The following DAB1 variants were observed in gnomAD, a reference collection of about 807,000 sequenced individuals.
DAB1 encodes disabled homolog 1.
DAB1 carries 15 observed loss-of-function variants against 64.6 expected under a neutral mutation model. The observed-to-expected ratio is 0.23, with a 90% CI of 0.16 to 0.36. The LOEUF (loss-of-function observed/expected upper bound fraction) is 0.36. Ranked by LOEUF, DAB1 falls within the 10% of genes least tolerant of loss-of-function variation. The pLI is 1.00. For missense variants in DAB1, 596 were observed against 706.7 expected, an observed-to-expected ratio of 0.84 and a Z score of 1.78; for synonymous variants, 235 against 251.9, an observed-to-expected ratio of 0.93 and a Z score of 0.64.
intron 1 of DAB1, among the ~76,000 whole-genome samples, chr1:57,364,843 ATATATATATATG>A (rs1679839583): frequency 6.7e-6 from 1 of 148,594 alleles, no homozygotes; most frequent in Admixed American, 6.8e-5. Flanking sequence ...TTGTTTAGGG[ATATATATATATG>A]TATATATATA....
intron 7 of DAB1, among the ~76,000 whole-genome samples, chr1:57,502,461 TC>T (rs1644301913): frequency 2.0e-5 from 3 of 152,202 alleles, no homozygotes; most frequent in Admixed American, 2.0e-4. Context: ...AGTTTAACTT[TC>T]TTTCACAGCA....
At chr1:57,888,246 C>T (rs1187872817), upstream of DAB1, among the ~76,000 whole-genome samples, 2 of 152,144 alleles carry the variant, frequency 1.3e-5, no homozygotes, top group African/African-American at 4.8e-5. Context: ...TATTTGCCAT[C>T]AGATAAAAAT....
At chr1:57,061,704 C>T (rs1212798205) in intron 9 of DAB1, among the ~76,000 whole-genome samples, 1 of 152,146 alleles carries the variant, frequency 6.6e-6, no homozygotes. Context: ...ATTCTTTTAT[C>T]CAGGCCAAAC....
chr1:57,540,580 T>A (rs1644789527), intron 7 of DAB1, among the ~76,000 whole-genome samples: 1 of 152,084 alleles, frequency 6.6e-6, no homozygotes. Context: ...ATAAAGAAAA[T>A]GTAGTATATT....
At chr1:57,944,703 C>T (rs1393532853) in intron 5 of DAB1, among the ~76,000 whole-genome samples, 1 of 152,124 alleles carries the variant, frequency 6.6e-6, no homozygotes, top group East Asian at 1.9e-4. Flanking sequence ...TTCATGTTAG[C>T]GTAAACAGCT....
chr1:58,266,215 A>C (rs1054042560), intron 4 of DAB1, among the ~76,000 whole-genome samples: 5 of 152,214 alleles, frequency 3.3e-5, no homozygotes, highest in Admixed American at 2.6e-4. Context: ...CACCTGAACA[A>C]ATACGGCCTA....
chr1:57,015,521 A>T, intron 11 of DAB1, 90 bp from the exon 12 acceptor site: 1 of 1,199,238 alleles, frequency 8.3e-7, no homozygotes, highest in South Asian at 1.6e-5. Flanking sequence ...GAAATGTATC[A>T]AGCACCAACT....
chr1:57,023,534 A>G lies in DAB1; in HGVS notation c.892T>C (p.Ser298Pro), dbSNP rs756260897. ...AAGCTGGTGGAAGAGGGCTTACCTG[A>G]GGGTACAGCAGCAGTGCCGAAAGGT... The part of the protein sequence containing the change: ...SVPFGTAAVP[S>P]GYVAMGAVLP... The change falls in exon 11 of 15, where the codon TCA becomes CCA. Residue 298 changes from serine to proline, a missense_variant. Transcript: ENST00000371236. 4 of 1,586,412 alleles carry G rather than the reference A, an allele frequency of 2.5e-6. No homozygotes were observed. Among genetic ancestry groups the G allele is most frequent in the Non-Finnish European group, 2.6e-6 (3 of 1,159,250 alleles).
chr1:57,376,295 G>A (rs143953675), intron 1 of DAB1, among the ~76,000 whole-genome samples: 48 of 152,298 alleles, frequency 3.2e-4, no homozygotes, highest in South Asian at 1.2e-3. Context: ...GATCATCAAT[G>A]GGCAAGGATC....
At chr1:58,146,850 C>G (rs753867796) in intron 5 of DAB1, among the ~76,000 whole-genome samples, 21 of 151,888 alleles carry the variant, frequency 1.4e-4, no homozygotes, top group Non-Finnish European at 2.5e-4. Flanking sequence ...TCAATGGATA[C>G]TTAGGTTGTT....
intron 7 of DAB1, among the ~76,000 whole-genome samples, chr1:57,457,671 G>A (rs187954615): frequency 1.1e-3 from 162 of 152,246 alleles, no homozygotes; most frequent in Non-Finnish European, 1.7e-3. Flanking sequence ...TGCATTGGAA[G>A]TGGTAAAAGA....
At chr1:57,292,532 C>T (rs1413291599) in intron 1 of DAB1, among the ~76,000 whole-genome samples, 1 of 152,144 alleles carries the variant, frequency 6.6e-6, no homozygotes, top group African/African-American at 2.4e-5. Flanking sequence ...TACCTTGTCA[C>T]CAGCACCCAC....
At chr1:57,816,803 T>A (rs562472605) in intron 6 of DAB1, among the ~76,000 whole-genome samples, 4 of 152,338 alleles carry the variant, frequency 2.6e-5, no homozygotes, top group African/African-American at 9.6e-5. Context: ...AAATTTGCAA[T>A]GTTGACACAA....
chr1:57,075,864 C>T (rs80351615), intron 4 of DAB1, among the ~76,000 whole-genome samples: 3,550 of 152,216 alleles, frequency 0.023, 142 homozygotes, highest in African/African-American at 0.08. Context: ...CTTTTGGCTC[C>T]CTCAACCAAC....
intron 2 of DAB1, among the ~76,000 whole-genome samples, chr1:57,250,430 C>A (rs1669249024): frequency 6.6e-6 from 1 of 152,112 alleles, no homozygotes; most frequent in Non-Finnish European, 1.5e-5. Context: ...GTACTCCAGT[C>A]TAGGCAGAGA....
chr1:57,733,686 C>T (rs1199080606), intron 6 of DAB1, among the ~76,000 whole-genome samples: 2 of 151,928 alleles, frequency 1.3e-5, no homozygotes, highest in African/African-American at 2.4e-5. Flanking sequence ...AGAGGTCGAG[C>T]GATTTGCCAA....
intron 5 of DAB1, among the ~76,000 whole-genome samples, chr1:57,990,283 A>G (rs1272559716): frequency 6.6e-6 from 1 of 152,224 alleles, no homozygotes; most frequent in East Asian, 1.9e-4. Context: ...CTTACAGAGA[A>G]TAAGTTACTC....
At chr1:58,341,763 CT>C (rs1390100449) in intron 4 of DAB1, among the ~76,000 whole-genome samples, 1 of 152,156 alleles carries the variant, frequency 6.6e-6, no homozygotes, top group African/African-American at 2.4e-5. Context: ...TTAGATGACC[CT>C]TACTTTCTGC....
At chr1:57,863,453 C>T (rs781362485) in intron 1 of DAB1, among the ~76,000 whole-genome samples, 1 of 152,080 alleles carries the variant, frequency 6.6e-6, no homozygotes, top group Non-Finnish European at 1.5e-5. Flanking sequence ...GCCAATAGAA[C>T]TTAAAAGTCT....
Sources: allele counts gnomAD v4.1 joint callset (sites outside exome capture counted in the v4.1 genomes callset), GRCh38; gene constraint gnomAD v4.1.1; transcripts MANE v1.5; gene names NCBI Gene and HGNC (gene_info 2026-07-23, HGNC 2026-07-21).